EMILIN2: variants seen among roughly 807,000 people sequenced by gnomAD.
The protein encoded by EMILIN2 is elastin microfibril interfacer 2.
EMILIN2 carries 71 observed loss-of-function variants against 87.1 expected under a neutral mutation model. The ratio of observed to expected loss-of-function variants is 0.82; its 90% CI spans 0.67 to 0.99. The LOEUF is 0.99. Ranked by LOEUF, EMILIN2 falls within the 50% of genes least tolerant of loss-of-function variation. The pLI is 0.00. For synonymous variants in EMILIN2, 581 were observed against 563.4 expected, an observed-to-expected ratio of 1.03 and a Z score of -0.44; for missense variants, 1,407 against 1,371.8, an observed-to-expected ratio of 1.03 and a Z score of -0.40.
intron 2 of EMILIN2, among the ~76,000 whole-genome samples, chr18:2,874,300 C>A (rs2076736794): frequency 6.6e-6 from 1 of 152,122 alleles, no homozygotes; most frequent in Non-Finnish European, 1.5e-5. Context: ...AGTAATCCTT[C>A]CTCCTTAGCC....
In EMILIN2 at chr18:2,907,094, C is replaced by A. The variant is rs2076918018; in HGVS notation, c.2662+9C>A. 8 of 1,235,564 alleles carry A rather than the reference C, an allele frequency of 6.5e-6. No homozygotes were observed. Among genetic ancestry groups the A allele is most frequent in the Non-Finnish European group, 8.1e-6 (8 of 990,454 alleles). 76.5% of individuals were successfully genotyped at this position (1,235,564 alleles called of 1,614,324 possible). A position where few individuals can be genotyped will look rare whatever the true frequency, so the allele number is the denominator to read the frequency against. ...CTTCGCGGGCGCACCAGGTGAGGCC[C>A]GGGGCTGCGCGGGGAGGAGCGCGGG... On this transcript the variant is annotated intron_variant, in intron 5 of 7. Transcript: ENST00000254528.
intron 7 of EMILIN2, 144 bp downstream of exon 7, chr18:2,909,963 A>C (rs2076933076): frequency 8.8e-7 from 1 of 1,131,130 alleles, no homozygotes; most frequent in African/African-American, 1.6e-5. Context: ...GTGGGCCTGC[A>C]CTCCTCTGCC....
At chr18:2,857,064 A>G (rs1784463827) in intron 2 of EMILIN2, among the ~76,000 whole-genome samples, 1 of 152,220 alleles carries the variant, frequency 6.6e-6, no homozygotes, top group South Asian at 2.1e-4. Context: ...TGTGTCACTT[A>G]GAAGGACCCA....
chr18:2,857,365 T>C (rs768625463), intron 2 of EMILIN2, among the ~76,000 whole-genome samples: 1 of 152,210 alleles, frequency 6.6e-6, no homozygotes, highest in Non-Finnish European at 1.5e-5. Context: ...TACAGAGATT[T>C]ACTCTCAGTC....
chr18:2,847,221 G>T lies in EMILIN2; in HGVS notation c.33G>T (p.Val11=). MWQPRRPWPR[V]PWRWALALLA... is the part of the protein sequence containing the mutation. ...AGCCCAGACGGCCCTGGCCCCGCGT[G>T]CCCTGGCGCTGGGCGCTGGCGCTGC... Residue 11 remains valine (V), a synonymous_variant, in exon 1 of 8, where the codon GTG becomes GTT. Coordinates refer to ENST00000254528, the MANE Select transcript of EMILIN2 (RefSeq NM_032048.3). This position sits in a 1 kb window ranked among gnomAD's most constrained non-coding sequence, Gnocchi z 4.5. The T allele has an allele frequency of 8.0e-7, 1 of 1,250,288 alleles. No individual in the cohort carries two copies. The highest frequency in any genetic ancestry group is 1.0e-6 in the Non-Finnish European group (1 of 998,410). The allele number at this position is 1,250,288 out of a possible 1,614,324, so 77.4% of individuals were successfully genotyped here. A position where few individuals can be genotyped will look rare whatever the true frequency, so the allele number is the denominator to read the frequency against.
At chr18:2,864,430 T>C (rs1438530062) in intron 2 of EMILIN2, among the ~76,000 whole-genome samples, 1 of 152,200 alleles carries the variant, frequency 6.6e-6, no homozygotes, top group Non-Finnish European at 1.5e-5. Flanking sequence ...TGACAAAATC[T>C]CTCAGCATTT....
At chr18:2,851,529 A>G (rs1436230246) in intron 2 of EMILIN2, among the ~76,000 whole-genome samples, 5 of 152,268 alleles carry the variant, frequency 3.3e-5, no homozygotes, top group Non-Finnish European at 5.9e-5. Flanking sequence ...CCGCTGGGAA[A>G]TGGGGTGTGA....
Position 2,873,478 on chromosome 18 carries a change from C to T in EMILIN2, c.258-11486C>T, listed in dbSNP as rs1018095375. Among the ~76,000 whole-genome samples the T allele has an allele frequency of 5.3e-5, 8 of 151,786 alleles. No individual in the cohort carries two copies. The South Asian group carries it at 6.2e-4, about 12-fold the overall frequency. Reference sequence around the variant, plus strand: ...ATCCCAGCACTTTGGGAGGCCGAGGCGGGTGGATCACGAGGTCAGGAGATC... The same window carrying T: ...ATCCCAGCACTTTGGGAGGCCGAGGTGGGTGGATCACGAGGTCAGGAGATC... On this transcript the variant is annotated intron_variant, in intron 2 of 7. Transcript: ENST00000254528.
chr18:2,873,531 C>G (rs948328772), intron 2 of EMILIN2, among the ~76,000 whole-genome samples: 12 of 151,840 alleles, frequency 7.9e-5, no homozygotes, highest in Non-Finnish European at 1.0e-4. Context: ...CACGGTGAAA[C>G]CCCATCTCTA....
At position 2,913,536 on chromosome 18, in the gene EMILIN2, C is replaced by A; in HGVS notation, c.*132C>A. ...AGGCCCCAACATAAAGGCCTTCCCT[C>A]GCTGTTGAGGCCACCATGCCTTACT... On this transcript the variant is annotated 3_prime_UTR_variant, in exon 8 of 8. Transcript: ENST00000254528. 1.4e-6 allele frequency: 1 copy of A among 715,116 alleles called. No individual in the cohort carries two copies. The highest frequency in any genetic ancestry group is 2.2e-6 in the Non-Finnish European group (1 of 446,278). 44.3% of individuals were successfully genotyped at this position (715,116 alleles called of 1,614,324 possible).
At chr18:2,884,827 G>C in intron 2 of EMILIN2, 137 bp from the exon 3 acceptor site, 2 of 865,008 alleles carry the variant, frequency 2.3e-6, no homozygotes, top group Non-Finnish European at 3.4e-6. Flanking sequence ...GGACTGAGGA[G>C]ACCAACATCC....
intron 2 of EMILIN2, among the ~76,000 whole-genome samples, chr18:2,856,014 C>T (rs2076625363): frequency 6.6e-6 from 1 of 152,102 alleles, no homozygotes; most frequent in East Asian, 1.9e-4. Context: ...CTAAAATGCT[C>T]ACGGTTGAAA....
At chr18:2,874,379 G>C (rs1339352606) in intron 2 of EMILIN2, among the ~76,000 whole-genome samples, 1 of 152,022 alleles carries the variant, frequency 6.6e-6, no homozygotes, top group Non-Finnish European at 1.5e-5. Context: ...TTTGTTGTTG[G>C]ATAGATTCCT....
chr18:2,850,526 C>T (rs2076596561), intron 2 of EMILIN2, among the ~76,000 whole-genome samples: 1 of 151,924 alleles, frequency 6.6e-6, no homozygotes, highest in African/African-American at 2.4e-5. Context: ...CTACCTCAGC[C>T]TCCTGAGTAG....
intron 2 of EMILIN2, among the ~76,000 whole-genome samples, chr18:2,873,702 A>G (rs1003682009): frequency 1.5e-4 from 23 of 150,382 alleles, no homozygotes; most frequent in East Asian, 2.0e-4. Context: ...GCAAGACTCC[A>G]TCTCAAAATA....
At position 2,872,908 on chromosome 18, in the gene EMILIN2, T is replaced by A. The variant is rs1598491186; in HGVS notation, c.258-12056T>A. On this transcript the variant is annotated intron_variant, in intron 2 of 7. Transcript: ENST00000254528. ...TTATATTTTATTTGCAAAAATTGATTGAGGCAAAGTGAAGTCTTTTTGAGT... is the reference window on the plus strand; with the variant it reads ...TTATATTTTATTTGCAAAAATTGATAGAGGCAAAGTGAAGTCTTTTTGAGT... 3.3e-5 allele frequency among the ~76,000 whole-genome samples: 5 copies of A among 152,320 alleles called. 1 individual carries two copies. The Middle Eastern group carries it at 0.014, about 417-fold the overall frequency.
At chr18:2,888,990 A>G (rs1218673532) in intron 3 of EMILIN2, among the ~76,000 whole-genome samples, 2 of 152,074 alleles carry the variant, frequency 1.3e-5, no homozygotes, top group African/African-American at 4.8e-5. Context: ...ATATTAATGC[A>G]TTTTATTTAA....
Position 2,906,772 on chromosome 18 carries a change from ACGCCCGGCAGAGGCGCCCTCGCCCCCGC to A in EMILIN2, c.2360-4_2383del, listed in dbSNP as rs765480576. 4.0e-5 allele frequency: 50 copies of A among 1,255,070 alleles called. 2 individuals carry two copies. In the South Asian group the frequency reaches 5.4e-4, roughly 13 times the overall value. The allele number at this position is 1,255,070 out of a possible 1,614,324, so 77.7% of individuals were successfully genotyped here. On this transcript the variant is annotated splice_acceptor_variant and splice_polypyrimidine_tract_variant and coding_sequence_variant and intron_variant, in exon 5 of 8. Coordinates refer to ENST00000254528, the MANE Select transcript of EMILIN2 (RefSeq NM_032048.3). LOFTEE classifies it high-confidence loss of function. ...AATCCCGTGTGTTTCTTTCTCCCCG[ACGCCCGGCAGAGGCGCCCTCGCCCCCGC>A]CGCCCGCAGAGGCCCCGAAGGAGCC...
intron 2 of EMILIN2, among the ~76,000 whole-genome samples, chr18:2,876,848 A>T (rs1317420661): frequency 1.3e-5 from 2 of 152,226 alleles, no homozygotes; most frequent in African/African-American, 4.8e-5. Context: ...TTCACTGGAT[A>T]CATTTTGTGT....
Sources: allele counts gnomAD v4.1 joint callset (sites outside exome capture counted in the v4.1 genomes callset), GRCh38; gene constraint gnomAD v4.1.1; non-coding constraint Gnocchi (gnomAD v3.1); transcripts MANE v1.5; gene names NCBI Gene and HGNC (gene_info 2026-07-23, HGNC 2026-07-21).